LRBA: variants seen among roughly 807,000 people sequenced by gnomAD.
The protein encoded by LRBA is LPS responsive beige-like anchor protein, also known as lipopolysaccharide-responsive and beige-like anchor protein.
A neutral mutation model predicts 330.0 loss-of-function variants in LRBA; 176 were observed. The observed-to-expected ratio is 0.53, with a 90% CI of 0.47 to 0.60. The LOEUF is 0.60. Among genes scored for constraint, LRBA ranks in the 20% least tolerant of loss-of-function variants. The probability of loss-of-function intolerance (pLI) is 0.00; values close to 1 mark genes in which losing one functional copy is unlikely to be tolerated. For synonymous variants in LRBA, 1,230 were observed against 1,193.0 expected, an observed-to-expected ratio of 1.03 and a Z score of -0.64; for missense variants, 3,259 against 3,444.8, an observed-to-expected ratio of 0.95 and a Z score of 1.35.
At chr4:150,576,159 G>GT (rs761830232) in intron 40 of LRBA, among the ~76,000 whole-genome samples, 6,264 of 58,660 alleles carry the variant, frequency 0.11, 190 homozygotes, top group Non-Finnish European at 0.19. Context: ...GTTCAAACTG[G>GT]TTTTTAAAAA....
intron 46 of LRBA, chr4:150,422,603 T>C: frequency 1.8e-6 from 1 of 563,538 alleles, no homozygotes. Flanking sequence ...AGACATCAGG[T>C]TCCCCAAGGG....
At chr4:150,963,310 C>T (rs956767427) in intron 2 of LRBA, among the ~76,000 whole-genome samples, 8 of 149,140 alleles carry the variant, frequency 5.4e-5, no homozygotes, top group African/African-American at 1.6e-4. Context: ...CTCAGCCTGC[C>T]GAGTGCCTGG....
intron 47 of LRBA, among the ~76,000 whole-genome samples, chr4:150,351,811 T>C (rs528054208): frequency 6.6e-6 from 1 of 152,350 alleles, no homozygotes; most frequent in African/African-American, 2.4e-5. Context: ...TACCTATATG[T>C]ACTATGTTTT....
rs767614620 is a variant in LRBA at position 150,449,522 on chromosome 4, GA to G, written c.6781-12659del. ...TACCAACAACAGCAATCTACTTCTG[GA>G]AAAAAAAAAAAAAAACCAGAAAAGT... is the stretch of plus-strand genomic sequence containing the variant. On this transcript the variant is annotated intron_variant, in intron 44 of 56. Transcript: ENST00000651943. 4.7e-3 allele frequency among the ~76,000 whole-genome samples: 497 copies of G among 106,554 alleles called. 1 individual carries two copies. Among genetic ancestry groups the G allele is most frequent in the African/African-American group, 0.01 (303 of 28,992 alleles). 69.9% of individuals were successfully genotyped at this position (106,554 alleles called of 152,430 possible). A position where few individuals can be genotyped will look rare whatever the true frequency, so the allele number is the denominator to read the frequency against.
At chr4:151,004,840 G>C (rs1380306024) in intron 2 of LRBA, among the ~76,000 whole-genome samples, 1 of 151,998 alleles carries the variant, frequency 6.6e-6, no homozygotes, top group African/African-American at 2.4e-5. Context: ...CAAAAAATTA[G>C]CCAGGCATGG....
At chr4:150,376,414 T>C (rs1741334683) in intron 47 of LRBA, among the ~76,000 whole-genome samples, 1 of 152,198 alleles carries the variant, frequency 6.6e-6, no homozygotes, top group South Asian at 2.1e-4. Context: ...CCTTTTGATT[T>C]TGAAATAAGT....
intron 46 of LRBA, among the ~76,000 whole-genome samples, chr4:150,431,934 G>T (rs1361018023): frequency 2.0e-5 from 3 of 152,000 alleles, no homozygotes; most frequent in Non-Finnish European, 1.5e-5. Flanking sequence ...GTAAAAAAAG[G>T]TCTCTTCTTT....
intron 37 of LRBA, among the ~76,000 whole-genome samples, chr4:150,612,750 TA>T (rs1390765658): frequency 2.0e-5 from 3 of 152,180 alleles, no homozygotes; most frequent in African/African-American, 7.2e-5. Flanking sequence ...CACAAGTCTC[TA>T]ATCTCAAGGC....
chr4:150,689,894 C>T (rs917437401), intron 36 of LRBA, among the ~76,000 whole-genome samples: 3 of 151,728 alleles, frequency 2.0e-5, no homozygotes, highest in Non-Finnish European at 2.9e-5. Context: ...CACTGCACTC[C>T]AGCCTGGGTG....
At chr4:150,767,999 G>A (rs1352608629) in intron 34 of LRBA, among the ~76,000 whole-genome samples, 1 of 148,368 alleles carries the variant, frequency 6.7e-6, no homozygotes, top group Non-Finnish European at 1.5e-5. Context: ...GGGAGGCAGA[G>A]GTTGCAGTGA....
rs561991417 is a variant in LRBA, at chr4:150,832,660, T to C, written c.4570-684A>G. The stretch of plus-strand genomic sequence containing the variant: ...ATATGAGGATAACTGGTTATTTTTA[T>C]CTGTAATCATAAAAACTAAAATACA... On this transcript the variant is annotated intron_variant, in intron 28 of 56. Transcript: ENST00000651943. 4.6e-5 allele frequency among the ~76,000 whole-genome samples: 7 copies of C among 152,322 alleles called. 1 individual carries two copies. In the South Asian group the frequency reaches 1.2e-3, roughly 27 times the overall value.
At chr4:150,485,231 T>C (rs1336882188) in intron 42 of LRBA, among the ~76,000 whole-genome samples, 1 of 152,024 alleles carries the variant, frequency 6.6e-6, no homozygotes, top group Non-Finnish European at 1.5e-5. Flanking sequence ...AGGCTGTCTA[T>C]ATTTCATTCC....
At chr4:150,517,864 T>C (rs1762527369) in intron 40 of LRBA, among the ~76,000 whole-genome samples, 1 of 152,210 alleles carries the variant, frequency 6.6e-6, no homozygotes, top group South Asian at 2.1e-4. Flanking sequence ...AGTTGGAACA[T>C]GGTTTTCTTC....
At chr4:150,931,006 T>C (rs578015725) in intron 2 of LRBA, among the ~76,000 whole-genome samples, 49 of 152,368 alleles carry the variant, frequency 3.2e-4, no homozygotes, top group African/African-American at 1.2e-3. Context: ...TTGAACTGGT[T>C]GAATTAGATT....
At chr4:150,592,170 T>TG (rs397995791) in intron 38 of LRBA, among the ~76,000 whole-genome samples, 1 of 145,454 alleles carries the variant, frequency 6.9e-6, no homozygotes, top group Non-Finnish European at 1.5e-5. Flanking sequence ...TTTTTTTTTT[T>TG]GCTCCACTGC....
intron 19 of LRBA, among the ~76,000 whole-genome samples, chr4:150,870,937 C>T (rs549391315): frequency 6.6e-6 from 1 of 152,212 alleles, no homozygotes; most frequent in Admixed American, 6.5e-5. Flanking sequence ...CATTTCAAAG[C>T]TGTACATTAC....
chr4:150,369,256 T>C (rs1739914105), intron 47 of LRBA, among the ~76,000 whole-genome samples: 2 of 152,300 alleles, frequency 1.3e-5, no homozygotes, highest in South Asian at 4.1e-4. Flanking sequence ...CTCTTCTCCA[T>C]GGACATCATG....
intron 37 of LRBA, among the ~76,000 whole-genome samples, chr4:150,678,390 C>T (rs938304087): frequency 6.6e-6 from 1 of 152,074 alleles, no homozygotes; most frequent in African/African-American, 2.4e-5. Context: ...AATGGCTCCT[C>T]AGTATCAGTA....
At chr4:150,434,604 C>T (rs188379780) in intron 46 of LRBA, among the ~76,000 whole-genome samples, 1 of 151,990 alleles carries the variant, frequency 6.6e-6, no homozygotes, top group African/African-American at 2.4e-5. Flanking sequence ...ACCTGTAATC[C>T]CAGCACTTTG....
Sources: allele counts gnomAD v4.1 joint callset (sites outside exome capture counted in the v4.1 genomes callset), GRCh38; gene constraint gnomAD v4.1.1; transcripts MANE v1.5; gene names NCBI Gene and HGNC (gene_info 2026-07-23, HGNC 2026-07-21).